MBOAT1: variants seen among roughly 807,000 people sequenced by gnomAD.
MBOAT1 encodes membrane-bound glycerophospholipid O-acyltransferase 1.
A neutral mutation model predicts 64.4 loss-of-function variants in MBOAT1; 67 were observed. The ratio of observed to expected loss-of-function variants is 1.04; its 90% CI spans 0.85 to 1.27. The LOEUF is 1.27. Ranked by LOEUF, MBOAT1 falls within the 50% of genes most tolerant of loss-of-function variation. The pLI is 0.00. For missense variants in MBOAT1, 563 were observed against 604.6 expected (o/e 0.93, Z 0.72); for synonymous variants, 229 against 218.9 (o/e 1.05, Z -0.41).
intron 11 of MBOAT1, among the ~76,000 whole-genome samples, 153 bp from the exon 12 acceptor site, chr6:20,109,902 C>CTTTTTTTTTTT (rs1158455991): frequency 1.1e-5 from 1 of 94,118 alleles, no homozygotes; most frequent in Non-Finnish European, 2.0e-5. Context: ...ACCATCAGGA[C>CTTTTTTTTTTT]TTTTTTTTTT....
At chr6:20,193,532 C>A (rs1762868146) in intron 1 of MBOAT1, among the ~76,000 whole-genome samples, 1 of 150,936 alleles carries the variant, frequency 6.6e-6, no homozygotes, top group African/African-American at 2.4e-5. Flanking sequence ...GAGAAAAATA[C>A]TTCTCTTATT....
At position 20,105,743 on chromosome 6, in the gene MBOAT1, C is replaced by G. The variant is rs574755476; in HGVS notation, c.1362-3331G>C. Among the ~76,000 whole-genome samples, 3 of 152,290 alleles carry G rather than the reference C, an allele frequency of 2.0e-5. No homozygotes were observed. The South Asian group carries it at 6.2e-4, about 32-fold the overall frequency. On this transcript the variant is annotated intron_variant, in intron 12 of 12. Coordinates refer to ENST00000324607, the MANE Select transcript of MBOAT1 (RefSeq NM_001080480.3). ...GCAAGCTGAGATCACAATCGCGCCACTGCACTCCAGCCTCGGCAACGGAGG... is the reference window on the plus strand; with the variant it reads ...GCAAGCTGAGATCACAATCGCGCCAGTGCACTCCAGCCTCGGCAACGGAGG...
At chr6:20,178,097 T>C (rs552975368) in intron 1 of MBOAT1, among the ~76,000 whole-genome samples, 31 of 152,272 alleles carry the variant, frequency 2.0e-4, no homozygotes, top group East Asian at 5.8e-4. Context: ...TGGAAGGAAA[T>C]GTACTGTGAT....
intron 4 of MBOAT1, 23 bp from the exon 5 acceptor site, chr6:20,131,222 T>C: frequency 6.2e-7 from 1 of 1,609,946 alleles, no homozygotes; most frequent in Non-Finnish European, 8.5e-7. Flanking sequence ...CAGAAAATAA[T>C]CAAGATTGGC....
At chr6:20,176,783 C>T (rs541903595) in intron 1 of MBOAT1, among the ~76,000 whole-genome samples, 1 of 152,132 alleles carries the variant, frequency 6.6e-6, no homozygotes, top group Admixed American at 6.5e-5. Context: ...GCCACCACGC[C>T]CAGCTAGTTT....
At chr6:20,208,985 G>A (rs1412900279) in intron 1 of MBOAT1, among the ~76,000 whole-genome samples, 8 of 152,142 alleles carry the variant, frequency 5.3e-5, no homozygotes, top group Admixed American at 4.6e-4. Context: ...TAGTTTAAAG[G>A]CACATTAAGT....
intron 8 of MBOAT1, among the ~76,000 whole-genome samples, chr6:20,119,570 C>T (rs1760431135): frequency 2.0e-5 from 3 of 152,252 alleles, no homozygotes; most frequent in South Asian, 2.1e-4. Context: ...ACCTGCCCTA[C>T]GTCTGTCTCA....
Position 20,122,869 on chromosome 6 carries a change from T to C in MBOAT1, c.907+1539A>G, listed in dbSNP as rs532982234. The stretch of plus-strand genomic sequence containing the variant: ...TTTTTTGAGGCAGAGTCTTGCTCCA[T>C]CATCCAGGCCGGAGTTCAGTGGCGT... On this transcript the variant is annotated intron_variant, in intron 8 of 12. Transcript: ENST00000324607. Among the ~76,000 whole-genome samples, 31 of 152,254 alleles carry C rather than the reference T, an allele frequency of 2.0e-4. 2 individuals carry two copies. The highest frequency in any genetic ancestry group is 3.4e-3 in the Middle Eastern group (1 of 294).
intron 6 of MBOAT1, among the ~76,000 whole-genome samples, chr6:20,127,629 A>G (rs1318466905): frequency 5.9e-5 from 9 of 152,162 alleles, no homozygotes; most frequent in Non-Finnish European, 1.2e-4. Flanking sequence ...CACACTCCTT[A>G]TAAGAATCTA....
intron 4 of MBOAT1, among the ~76,000 whole-genome samples, chr6:20,143,336 T>G (rs550456036): frequency 1.3e-5 from 2 of 152,190 alleles, no homozygotes; most frequent in Non-Finnish European, 2.9e-5. Flanking sequence ...CCCACCACAT[T>G]AAGGCCATGG....
intron 4 of MBOAT1, among the ~76,000 whole-genome samples, chr6:20,136,100 T>C (rs1308880229): frequency 6.6e-6 from 1 of 152,152 alleles, no homozygotes; most frequent in East Asian, 1.9e-4. Flanking sequence ...ATGCTCCCAA[T>C]TCTTATCAAT....
chr6:20,204,271 G>A lies in MBOAT1; in HGVS notation c.99+7865C>T, dbSNP rs564612119. Among the ~76,000 whole-genome samples, 53 of 152,294 alleles carry A rather than the reference G, an allele frequency of 3.5e-4. 2 individuals are homozygous for A. The South Asian group carries it at 0.011, about 31-fold the overall frequency. The stretch of plus-strand genomic sequence containing the variant: ...CCGAGGCCCCGTGTCCTCTGGCAGT[G>A]GTGTGTGCATTGGGCACGTGATATT... On this transcript the variant is annotated intron_variant, in intron 1 of 12. Transcript: ENST00000324607.
intron 1 of MBOAT1, among the ~76,000 whole-genome samples, chr6:20,163,368 C>T (rs1761920277): frequency 2.6e-5 from 4 of 152,154 alleles, no homozygotes; most frequent in Non-Finnish European, 1.5e-5. Flanking sequence ...ATTATTCATA[C>T]TTTATTGTTA....
chr6:20,190,114 C>T (rs1453312621), intron 1 of MBOAT1, among the ~76,000 whole-genome samples: 2 of 152,098 alleles, frequency 1.3e-5, no homozygotes, highest in Non-Finnish European at 2.9e-5. Flanking sequence ...CCTGCCTCAG[C>T]CTCCCAAGTT....
chr6:20,143,257 CT>C (rs1761229480), intron 4 of MBOAT1, among the ~76,000 whole-genome samples: 1 of 152,200 alleles, frequency 6.6e-6, no homozygotes, highest in Non-Finnish European at 1.5e-5. Context: ...CTGAACTAAC[CT>C]CAACAGGGCA....
rs2457323 is a variant in MBOAT1 at position 20,151,423 on chromosome 6, T to C, written c.246-161A>G. The stretch of plus-strand genomic sequence containing the variant: ...GTGAGAGAAAATAAGCCAAATATTT[T>C]TCTTCTATGTAATTAAGATGCTGTA... On this transcript the variant is annotated intron_variant, in intron 2 of 12. Coordinates refer to ENST00000324607, the MANE Select transcript of MBOAT1 (RefSeq NM_001080480.3). Among the ~76,000 whole-genome samples, 586 of 152,370 alleles carry C rather than the reference T, an allele frequency of 3.8e-3. 6 individuals are homozygous for C. Among genetic ancestry groups the C allele is most frequent in the African/African-American group, 0.012 (513 of 41,586 alleles).
intron 6 of MBOAT1, among the ~76,000 whole-genome samples, chr6:20,128,309 G>A (rs1581408305): frequency 6.6e-6 from 1 of 151,886 alleles, no homozygotes; most frequent in Non-Finnish European, 1.5e-5. Context: ...TAATCACACT[G>A]ACATTGATCA....
At chr6:20,116,921 T>A (rs1472865903) in intron 9 of MBOAT1, among the ~76,000 whole-genome samples, 1 of 152,132 alleles carries the variant, frequency 6.6e-6, no homozygotes, top group Non-Finnish European at 1.5e-5. Context: ...AGCCAGTCCA[T>A]GAGTTTGGAA....
chr6:20,137,855 A>G (rs1176261484), intron 4 of MBOAT1, among the ~76,000 whole-genome samples: 1 of 152,218 alleles, frequency 6.6e-6, no homozygotes, highest in Non-Finnish European at 1.5e-5. Context: ...TGCATGCTCA[A>G]AAGAGAATGG....
Sources: allele counts gnomAD v4.1 joint callset (sites outside exome capture counted in the v4.1 genomes callset), GRCh38; gene constraint gnomAD v4.1.1; transcripts MANE v1.5; gene names NCBI Gene and HGNC (gene_info 2026-07-23, HGNC 2026-07-21).